Variants in CPEB4 observed in about 807,000 individuals in gnomAD.
CPEB4 encodes the protein cytoplasmic polyadenylation element-binding protein 4.
Under a neutral mutation model 72.5 loss-of-function variants are expected in CPEB4, and 12 were observed. The ratio of observed to expected loss-of-function variants is 0.17; its 90% confidence interval spans 0.11 to 0.27. The LOEUF is 0.27. Ranked by LOEUF, CPEB4 falls within the 10% of genes least tolerant of loss-of-function variation. The pLI, the probability that CPEB4 is intolerant of heterozygous loss-of-function variation, is 1.00. For missense variants in CPEB4, 614 were observed against 908.5 expected, an observed-to-expected ratio of 0.68 and a Z score of 4.17; for synonymous variants, 302 against 326.3, an observed-to-expected ratio of 0.93 and a Z score of 0.80.
chr5:173,911,069 T>C (rs977944495), intron 2 of CPEB4, among the ~76,000 whole-genome samples: 4 of 150,162 alleles, frequency 2.7e-5, no homozygotes, highest in Non-Finnish European at 6.0e-5. Flanking sequence ...AATTTTTTTC[T>C]ATGTATTATG....
At chr5:173,916,382 A>C (rs1756869448) in intron 2 of CPEB4, among the ~76,000 whole-genome samples, 1 of 152,236 alleles carries the variant, frequency 6.6e-6, no homozygotes, top group Admixed American at 6.5e-5. Flanking sequence ...CAGAAATGCA[A>C]GTTGTTTAAA....
At chr5:173,952,644 C>T (rs1758250418) in intron 8 of CPEB4, among the ~76,000 whole-genome samples, 1 of 151,384 alleles carries the variant, frequency 6.6e-6, no homozygotes, top group Admixed American at 6.6e-5. Flanking sequence ...GGAAATAAGC[C>T]AGGAGGGCCC....
At chr5:173,952,234 G>A (rs1485662031) in intron 8 of CPEB4, among the ~76,000 whole-genome samples, 2 of 152,116 alleles carry the variant, frequency 1.3e-5, no homozygotes, top group South Asian at 2.1e-4. Context: ...TGAATTAGAC[G>A]ACCAGTGCAA....
At chr5:173,946,280 C>G (rs1758011715) in intron 5 of CPEB4, among the ~76,000 whole-genome samples, 1 of 152,090 alleles carries the variant, frequency 6.6e-6, no homozygotes, top group Non-Finnish European at 1.5e-5. Flanking sequence ...CCATCCTGCC[C>G]TCAGCATAGC....
Position 173,890,025 on chromosome 5 carries a change from C to G in CPEB4, c.292C>G (p.Pro98Ala), listed in dbSNP as rs1370994234. 1.9e-6 allele frequency: 3 copies of G among 1,614,150 alleles called. No homozygotes were observed. The highest frequency in any genetic ancestry group is 2.2e-5 in the South Asian group (2 of 91,076). Residue 98 changes from proline (P) to alanine (A), a missense_variant, in exon 1 of 10, where the codon CCA (proline) becomes GCA (alanine). Coordinates refer to ENST00000265085, the MANE Select transcript of CPEB4 (RefSeq NM_030627.4). ...CCCCTTAGAAAAGCAGCAGCTTTCCCCAAGTCCAGGTCAGGAAGCTGGAAT... is the reference window on the plus strand; with the variant it reads ...CCCCTTAGAAAAGCAGCAGCTTTCCGCAAGTCCAGGTCAGGAAGCTGGAAT... ...QDPLEKQQLS[P>A]SPGQEAGILP... is the part of the protein sequence containing the mutation.
rs558498068 is a variant in CPEB4 at position 173,905,437 on chromosome 5, G to C, written c.1126-5086G>C. Among the ~76,000 whole-genome samples, 4 of 151,842 alleles carry C rather than the reference G, an allele frequency of 2.6e-5. No individual in the cohort carries two copies. In the South Asian group the frequency reaches 8.3e-4, roughly 32 times the overall value. ...GCAACCCCGCCTCCCAGGTTCAAAC[G>C]ATTCTCCTGCCTCAGCCTCCCAAGT... On this transcript the variant is annotated intron_variant, in intron 1 of 9. Coordinates refer to ENST00000265085, the MANE Select transcript of CPEB4 (RefSeq NM_030627.4).
rs1204335126 is a variant in CPEB4, at chr5:173,947,771, A to G, written c.1457-1737A>G. Among the ~76,000 whole-genome samples, 5 of 152,188 alleles carry G rather than the reference A, an allele frequency of 3.3e-5. No homozygotes were observed. In the East Asian group the frequency reaches 7.7e-4, roughly 23 times the overall value. ...CACTGTGAAGACTTAGAAATAATGAATACTCACTAGCAGTGAGCATATAGA... is the reference window on the plus strand; with the variant it reads ...CACTGTGAAGACTTAGAAATAATGAGTACTCACTAGCAGTGAGCATATAGA... On this transcript the variant is annotated intron_variant, in intron 5 of 9. Coordinates refer to ENST00000265085, the MANE Select transcript of CPEB4 (RefSeq NM_030627.4).
chr5:173,920,964 C>T (rs550722810), intron 2 of CPEB4, among the ~76,000 whole-genome samples: 22 of 152,230 alleles, frequency 1.4e-4, no homozygotes, highest in African/African-American at 4.3e-4. Context: ...AACTTGGCCT[C>T]GTGAAATGTT....
chr5:173,890,280 A>G lies in CPEB4; in HGVS notation c.547A>G (p.Ile183Val). The change falls in exon 1 of 10, where the codon ATC becomes GTC. Residue 183 changes from isoleucine (I) to valine (V), a missense_variant. Ile to Val is a conservative substitution (Grantham distance 29). Transcript: ENST00000265085. ...AAIAPSSSTI[I>V]NEDASFFHQG... ...GATAGCGCCTTCCTCCTCTACAATAATCAATGAAGATGCAAGTTTCTTTCA... is the reference window on the plus strand; with the variant it reads ...GATAGCGCCTTCCTCCTCTACAATAGTCAATGAAGATGCAAGTTTCTTTCA... The G allele has an allele frequency of 6.2e-7, 1 of 1,613,966 alleles. No individual in the cohort carries two copies. The highest frequency in any genetic ancestry group is 8.5e-7 in the Non-Finnish European group (1 of 1,179,942).
Position 173,909,452 on chromosome 5 carries a change from C to T in CPEB4, c.1126-1071C>T, listed in dbSNP as rs145513163. On this transcript the variant is annotated intron_variant, in intron 1 of 9. Transcript: ENST00000265085. Reference sequence around the variant, plus strand: ...TCATCCTTCTCCTTAGAGAAAGCCTCGTGACAGTAATGAGAGCAGCTTCTG... The same window carrying T: ...TCATCCTTCTCCTTAGAGAAAGCCTTGTGACAGTAATGAGAGCAGCTTCTG... Among the ~76,000 whole-genome samples, 3 of 152,010 alleles carry T rather than the reference C, an allele frequency of 2.0e-5. No individual in the cohort carries two copies. The East Asian group carries it at 5.8e-4, about 29-fold the overall frequency.
intron 1 of CPEB4, among the ~76,000 whole-genome samples, chr5:173,899,280 A>G (rs1211939870): frequency 6.6e-6 from 1 of 152,104 alleles, no homozygotes; most frequent in South Asian, 2.1e-4. Context: ...CTCTCTCCCC[A>G]TTTGTATTAT....
intron 1 of CPEB4, among the ~76,000 whole-genome samples, chr5:173,894,954 C>A (rs1353328837): frequency 6.6e-6 from 1 of 152,144 alleles, no homozygotes; most frequent in Non-Finnish European, 1.5e-5. Flanking sequence ...ACTTGTTTAT[C>A]AACTTTAAAT....
chr5:173,916,943 CCTTAA>C (rs1311559557), intron 2 of CPEB4, among the ~76,000 whole-genome samples: 15 of 152,102 alleles, frequency 9.9e-5, no homozygotes, highest in Non-Finnish European at 1.8e-4. Flanking sequence ...TAATAGGAAA[CCTTAA>C]CTTTTCTTTC....
chr5:173,912,222 A>G (rs1048569950), intron 2 of CPEB4, among the ~76,000 whole-genome samples: 2 of 152,164 alleles, frequency 1.3e-5, no homozygotes, highest in African/African-American at 2.4e-5. Context: ...GACTTTGGGT[A>G]GTCTTCAGCC....
intron 4 of CPEB4, 79 bp downstream of exon 4, chr5:173,943,128 G>C: frequency 7.2e-7 from 1 of 1,394,302 alleles, no homozygotes; most frequent in Non-Finnish European, 1.0e-6. Flanking sequence ...AACCTTTGTG[G>C]GGAAGGGGAG....
intron 2 of CPEB4, among the ~76,000 whole-genome samples, chr5:173,923,831 T>G (rs531458557): frequency 7.4e-4 from 113 of 152,316 alleles, no homozygotes; most frequent in African/African-American, 2.6e-3. Flanking sequence ...GCAAGTTATC[T>G]TGTTGCTCTG....
At position 173,888,502 on chromosome 5, in the gene CPEB4, A is replaced by G. The variant is rs1195665157; in HGVS notation, c.-1232A>G. The G allele has an allele frequency of 9.7e-6, 4 of 413,732 alleles. No homozygotes were observed. Among genetic ancestry groups the G allele is most frequent in the Non-Finnish European group, 1.7e-5 (4 of 236,144 alleles). The allele number at this position is 413,732 out of a possible 1,614,324, so 25.6% of individuals were successfully genotyped here. Reference sequence around the variant, plus strand: ...AAAGAAGAACCAGGAGGAGTCCTCAACAACGACAGCGGGGACTGCGGGACC... The same window carrying G: ...AAAGAAGAACCAGGAGGAGTCCTCAGCAACGACAGCGGGGACTGCGGGACC... On this transcript the variant is annotated 5_prime_UTR_variant, in exon 1 of 10. Transcript: ENST00000265085. This position sits in a 1 kb window ranked among gnomAD's most constrained non-coding sequence, Gnocchi z 4.3.
intron 1 of CPEB4, among the ~76,000 whole-genome samples, chr5:173,897,544 C>T (rs78976878): frequency 0.011 from 1,678 of 152,208 alleles, 17 homozygotes; most frequent in Non-Finnish European, 0.018. Flanking sequence ...TATTTTTGAC[C>T]TGTGCTAATC....
At position 173,944,982 on chromosome 5, in the gene CPEB4, T is replaced by C; in HGVS notation, c.1298T>C (p.Phe433Ser). The change falls in exon 5 of 10, where the codon TTT becomes TCT. Residue 433 changes from phenylalanine (F) to serine (S), a missense_variant. Coordinates refer to ENST00000265085, the MANE Select transcript of CPEB4 (RefSeq NM_030627.4). ...YGRRRGQSSL[F>S]PMEDGFLDDG... ...TCTATTCCAGGTCAGTCTTCACTGT[T>C]TCCAATGGAAGATGGATTCTTGGAT... The C allele has an allele frequency of 6.2e-7, 1 of 1,612,790 alleles. No homozygotes were observed.
Sources: gnomAD v4.1 joint callset for allele counts (sites outside exome capture counted in the v4.1 genomes callset) on GRCh38, gnomAD v4.1.1 for gene constraint, Gnocchi (gnomAD v3.1) non-coding constraint, MANE v1.5 for transcripts, NCBI Gene and HGNC (gene_info 2026-07-23, HGNC 2026-07-21) for gene names.